The following ZDHHC11 variants were observed in gnomAD, a reference collection of about 807,000 sequenced individuals.
ZDHHC11 encodes zDHHC palmitoyltransferase 11.
Under a neutral mutation model 51.3 loss-of-function variants are expected in ZDHHC11, and 44 were observed. The observed-to-expected ratio is 0.86, with a 90% CI of 0.67 to 1.10. The LOEUF (loss-of-function observed/expected upper bound fraction) is 1.10. ZDHHC11 is among the 50% of genes least tolerant of loss of function. ZDHHC11 has a pLI of 0.00. For synonymous variants in ZDHHC11, 163 were observed against 222.0 expected, an observed-to-expected ratio of 0.73 and a Z score of 2.36; for missense variants, 400 against 537.7, an observed-to-expected ratio of 0.74 and a Z score of 2.53.
At chr5:819,373 C>G in intron 10 of ZDHHC11, 152 bp downstream of exon 10, 1 of 773,184 alleles carries the variant, frequency 1.3e-6, no homozygotes, top group Admixed American at 2.3e-5. Context: ...CTCTTCTGTG[C>G]TCCACCCACC....
At position 831,396 on chromosome 5, in the gene ZDHHC11, T is replaced by C. The variant is rs1021673913; in HGVS notation, c.935+2377A>G. ...GTCAAGAGTTCAAGACCAGCCTGGC[T>C]AACATGGTGAAACTTGTCTCTACTA... On this transcript the variant is annotated intron_variant, in intron 7 of 12. Coordinates refer to ENST00000283441, the MANE Select transcript of ZDHHC11 (RefSeq NM_024786.3). Among the ~76,000 whole-genome samples the C allele has an allele frequency of 1.1e-4, 16 of 149,446 alleles. 1 individual carries two copies. Among genetic ancestry groups the C allele is most frequent in the Admixed American group, 2.7e-4 (4 of 14,688 alleles).
upstream of ZDHHC11, among the ~76,000 whole-genome samples, chr5:854,076 G>A (rs185891148): frequency 2.0e-5 from 3 of 150,428 alleles, no homozygotes; most frequent in East Asian, 4.0e-4. Flanking sequence ...CCCCACCGAG[G>A]ACAGCGAGCC....
At position 796,239 on chromosome 5, in the gene ZDHHC11, C is replaced by T. The variant is rs113926340; in HGVS notation, c.*349G>A. 5,531 of 152,632 alleles carry T rather than the reference C, an allele frequency of 0.036. 3 individuals carry two copies. Among genetic ancestry groups the T allele is most frequent in the African/African-American group, 0.13 (5,202 of 39,306 alleles). 9.5% of individuals were successfully genotyped at this position (152,632 alleles called of 1,614,324 possible). On this transcript the variant is annotated 3_prime_UTR_variant, in exon 13 of 13. Coordinates refer to ENST00000283441, the MANE Select transcript of ZDHHC11 (RefSeq NM_024786.3). ...GCCCGGCCCATCAGCTCTTAAGCAG[C>T]AAGAGGCCCTGCAGCTGGCTGGCTG...
Position 850,532 on chromosome 5 carries a change from A to T in ZDHHC11, c.71T>A (p.Leu24Ter). The stretch of plus-strand genomic sequence containing the variant: ...GTTCACTCTGGAGATGCGGGGCGGC[A>T]AGACCAGCTTTTCATTATTGAGTAT... ...EAILNNEKLV[L>*]PPRISRVNGW... The change falls in exon 1 of 13, where the codon TTG (leucine) becomes TAG (stop). Residue 24 changes from leucine (L) to a stop codon, truncating the protein, a stop_gained. Transcript: ENST00000283441. LOFTEE classifies it high-confidence loss of function. 1.9e-6 allele frequency: 3 copies of T among 1,613,764 alleles called. No homozygotes were observed. Among genetic ancestry groups the T allele is most frequent in the Non-Finnish European group, 2.5e-6 (3 of 1,180,018 alleles).
upstream of ZDHHC11, among the ~76,000 whole-genome samples, chr5:853,454 C>T (rs1261317248): frequency 2.4e-5 from 3 of 127,086 alleles, no homozygotes; most frequent in Admixed American, 8.6e-5. Context: ...CCAGGGGGCA[C>T]AGACCCCACA....
chr5:802,959 T>G (rs1386969253), intron 11 of ZDHHC11, among the ~76,000 whole-genome samples: 1 of 143,994 alleles, frequency 6.9e-6, no homozygotes, highest in East Asian at 2.0e-4. Flanking sequence ...AGGTGGAGCT[T>G]GCAGTGAGCA....
chr5:836,253 T>C (rs1743831526), intron 6 of ZDHHC11, among the ~76,000 whole-genome samples: 1 of 150,408 alleles, frequency 6.6e-6, no homozygotes, highest in African/African-American at 2.5e-5. Flanking sequence ...CAAACCCTTT[T>C]CTGCATTGAT....
chr5:796,850 GTTC>G (rs1737651649), intron 12 of ZDHHC11, among the ~76,000 whole-genome samples: 1 of 152,208 alleles, frequency 6.6e-6, no homozygotes, highest in East Asian at 1.9e-4. Context: ...ATTTTCTATT[GTTC>G]TTCTTCGGAA....
intron 11 of ZDHHC11, among the ~76,000 whole-genome samples, chr5:806,304 G>A (rs673920): frequency 2.0e-5 from 3 of 151,052 alleles, no homozygotes; most frequent in Admixed American, 6.6e-5. Context: ...TGGGGAGAGG[G>A]CCTGCTCAAT....
At chr5:825,032 T>C in intron 8 of ZDHHC11, 132 bp downstream of exon 8, 1 of 880,986 alleles carries the variant, frequency 1.1e-6, no homozygotes. Context: ...ATCATTCCCA[T>C]GTGAGCAGCA....
intron 5 of ZDHHC11, chr5:840,156 G>C (rs1470150513): frequency 1.4e-4 from 88 of 645,078 alleles, no homozygotes; most frequent in Non-Finnish European, 2.1e-4. Flanking sequence ...ATAATGTCCT[G>C]TTCTTGCCTA....
At chr5:822,084 C>A (rs1741646445) in intron 8 of ZDHHC11, among the ~76,000 whole-genome samples, 189 bp from the exon 9 acceptor site, 1 of 151,458 alleles carries the variant, frequency 6.6e-6, no homozygotes, top group African/African-American at 2.4e-5. Context: ...GTATTATGGG[C>A]TGAACTATAT....
intron 11 of ZDHHC11, among the ~76,000 whole-genome samples, chr5:803,915 C>G (rs1458122060): frequency 6.7e-6 from 1 of 148,468 alleles, no homozygotes; most frequent in Admixed American, 6.7e-5. Context: ...AAAGGATCAG[C>G]TAAGTTGAAG....
intron 11 of ZDHHC11, among the ~76,000 whole-genome samples, chr5:813,678 G>T (rs1740382133): frequency 1.3e-5 from 2 of 150,284 alleles, no homozygotes; most frequent in South Asian, 2.1e-4. Flanking sequence ...AGAGGTCCTG[G>T]GCCAGGACGG....
chr5:798,447 C>T (rs1395889700), intron 12 of ZDHHC11, among the ~76,000 whole-genome samples: 20 of 151,442 alleles, frequency 1.3e-4, no homozygotes, highest in East Asian at 3.9e-4. Context: ...TGCTCAGTTT[C>T]GGAGCATTGT....
chr5:850,202 G>T (rs1396951128), intron 1 of ZDHHC11, 179 bp downstream of exon 1: 1 of 691,540 alleles, frequency 1.4e-6, no homozygotes, highest in Non-Finnish European at 2.4e-6. Flanking sequence ...ACCCTAAGCA[G>T]GGGCTGCACA....
chr5:828,252 T>C (rs1428161157), intron 7 of ZDHHC11, among the ~76,000 whole-genome samples: 2 of 151,404 alleles, frequency 1.3e-5, no homozygotes, highest in Non-Finnish European at 3.0e-5. Context: ...AGCTGTTGGG[T>C]ACACCTTCCA....
intron 11 of ZDHHC11, among the ~76,000 whole-genome samples, chr5:812,493 G>C (rs568303239): frequency 4.0e-4 from 61 of 151,666 alleles, no homozygotes; most frequent in African/African-American, 1.4e-3. Context: ...AGTCTCATTA[G>C]TAATAAGGAA....
At chr5:838,477 G>A (rs1420441030) in intron 5 of ZDHHC11, among the ~76,000 whole-genome samples, 1 of 151,918 alleles carries the variant, frequency 6.6e-6, no homozygotes, top group African/African-American at 2.4e-5. Flanking sequence ...TGGGCGCCCT[G>A]GGGAGCTGCC....
Sources: gnomAD v4.1 joint callset for allele counts (sites outside exome capture counted in the v4.1 genomes callset) on GRCh38, gnomAD v4.1.1 for gene constraint, MANE v1.5 for transcripts, NCBI Gene and HGNC (gene_info 2026-07-23, HGNC 2026-07-21) for gene names.